Variants in CR1L observed in about 807,000 individuals in gnomAD.
CR1L encodes the protein complement C3b/C4b receptor 1 like.
Under a neutral mutation model 62.3 loss-of-function variants are expected in CR1L, and 59 were observed. The ratio of observed to expected loss-of-function variants is 0.95; its 90% CI spans 0.77 to 1.18. The LOEUF (loss-of-function observed/expected upper bound fraction) is 1.18. Ranked by LOEUF, CR1L falls within the 50% of genes most tolerant of loss-of-function variation. The pLI, the probability that CR1L is intolerant of heterozygous loss-of-function variation, is 0.00. For synonymous variants in CR1L, 279 were observed against 248.7 expected (o/e 1.12, Z -1.15); for missense variants, 700 against 702.8 (o/e 1.00, Z 0.04).
chr1:207,681,959 A>G (rs1663805482), intron 3 of CR1L, among the ~76,000 whole-genome samples: 1 of 151,440 alleles, frequency 6.6e-6, no homozygotes, highest in Admixed American at 6.6e-5. Flanking sequence ...GAATACATGG[A>G]CACAGGGAGG....
At position 207,679,757 on chromosome 1, in the gene CR1L, A is replaced by G. The variant is rs1663765648; in HGVS notation, c.377+1460A>G. On this transcript the variant is annotated intron_variant, in intron 3 of 11. Transcript: ENST00000508064. ...ACATGCATACAATAGAATATTATTC[A>G]ATACCAAAAAGAAATGAGCTATCAA... is the stretch of plus-strand genomic sequence containing the variant. 2.0e-5 allele frequency among the ~76,000 whole-genome samples: 3 copies of G among 152,234 alleles called. No homozygotes were observed. In the South Asian group the frequency reaches 6.2e-4, roughly 31 times the overall value.
chr1:207,658,931 A>G (rs1571644652), intron 1 of CR1L: 1 of 152,368 alleles, frequency 6.6e-6, no homozygotes, highest in South Asian at 2.1e-4. Flanking sequence ...AAAAATCCCA[A>G]CTGCATGGAA....
intron 1 of CR1L, chr1:207,658,454 C>T (rs930329394): frequency 3.3e-5 from 5 of 152,232 alleles, no homozygotes; most frequent in African/African-American, 1.2e-4. Flanking sequence ...AAGCACGGCA[C>T]CCCAGCCAGC....
chr1:207,658,055 C>T (rs1259556341), intron 1 of CR1L, among the ~76,000 whole-genome samples: 10 of 151,874 alleles, frequency 6.6e-5, no homozygotes, highest in Admixed American at 3.3e-4. Context: ...AGTAGTCAGC[C>T]GGGAAATTAG....
At chr1:207,664,470 T>A (rs558402161) in intron 1 of CR1L, among the ~76,000 whole-genome samples, 1 of 152,222 alleles carries the variant, frequency 6.6e-6, no homozygotes, top group Non-Finnish European at 1.5e-5. Context: ...CTTAGTTGAG[T>A]CCTGTAGGTT....
At chr1:207,691,670 T>C (rs530444820) in intron 4 of CR1L, among the ~76,000 whole-genome samples, 1 of 152,330 alleles carries the variant, frequency 6.6e-6, no homozygotes, top group Admixed American at 6.5e-5. Flanking sequence ...TTTTTATTCT[T>C]AAATCACTAC....
intron 9 of CR1L, among the ~76,000 whole-genome samples, chr1:207,707,785 TACACACACACACAC>T (rs10523807): frequency 1.6e-5 from 2 of 126,706 alleles, no homozygotes; most frequent in African/African-American, 6.1e-5. Context: ...GGCATAGTAT[TACACACACACACAC>T]ACACACACAC....
Position 207,645,330 on chromosome 1 carries a change from G to C in CR1L, c.97G>C (p.Asp33His). The change falls in exon 1 of 12, where the codon GAT (aspartate) becomes CAT (histidine). Residue 33 changes from aspartate to histidine, a missense_variant and splice_region_variant. By Grantham distance (81) the Asp-to-His change is moderately conservative. Coordinates refer to ENST00000508064, the MANE Select transcript of CR1L (RefSeq NM_175710.2). ...GGTGTTGCTGCTGTCCTCCTTCTCC[G>C]GTAGGACCCCGGGGTGGATTCGCGC... ...ALVLLLSSFSDQCNVPEWLPF... is the reference protein window; with the variant it reads ...ALVLLLSSFSHQCNVPEWLPF... 6.2e-7 allele frequency: 1 copy of C among 1,613,904 alleles called. No homozygotes were observed. Among genetic ancestry groups the C allele is most frequent in the Non-Finnish European group, 8.5e-7 (1 of 1,179,870 alleles).
At chr1:207,660,413 C>T (rs987092936) in intron 1 of CR1L, among the ~76,000 whole-genome samples, 4 of 152,232 alleles carry the variant, frequency 2.6e-5, no homozygotes, top group Non-Finnish European at 4.4e-5. Context: ...CTCCAGCAAA[C>T]TCCAACACAC....
In CR1L at chr1:207,701,534, C is replaced by A; in HGVS notation, c.1244C>A (p.Thr415Asn). The A allele has an allele frequency of 2.5e-6, 4 of 1,613,808 alleles. No individual in the cohort carries two copies. The highest frequency in any genetic ancestry group is 2.5e-6 in the Non-Finnish European group (3 of 1,179,752). The change falls in exon 9 of 12, where the codon ACT becomes AAT. Residue 415 changes from threonine (T) to asparagine (N), a missense_variant. Coordinates refer to ENST00000508064, the MANE Select transcript of CR1L (RefSeq NM_175710.2). ...TTTCCCACAGGTAAATCATGTGAAA[C>A]TCCTCCAGTTCCAGTGAATGGCATG... is the stretch of plus-strand genomic sequence containing the variant. ...VPVCERKSCETPPVPVNGMVH... is the reference protein window; with the variant it reads ...VPVCERKSCENPPVPVNGMVH...
intron 10 of CR1L, chr1:207,710,247 G>A (rs969390152): frequency 5.1e-5 from 31 of 603,124 alleles, no homozygotes; most frequent in African/African-American, 3.9e-4. Flanking sequence ...GGGAGGTTGA[G>A]GGGGGAGGAT....
intron 4 of CR1L, among the ~76,000 whole-genome samples, chr1:207,691,131 C>T (rs751108749): frequency 7.9e-5 from 12 of 152,154 alleles, no homozygotes; most frequent in Non-Finnish European, 1.8e-4. Context: ...TTTAAGCAAT[C>T]TTTACTTTAT....
intron 1 of CR1L, among the ~76,000 whole-genome samples, chr1:207,650,441 G>A (rs894427222): frequency 9.2e-5 from 14 of 152,200 alleles, no homozygotes; most frequent in Non-Finnish European, 5.9e-5. Flanking sequence ...TATTAAGGAA[G>A]AGACTGTTAG....
chr1:207,678,883 G>A (rs1663749150), intron 3 of CR1L, among the ~76,000 whole-genome samples: 2 of 152,106 alleles, frequency 1.3e-5, no homozygotes, highest in Non-Finnish European at 2.9e-5. Context: ...GCCTTGGCGT[G>A]TGGCAGCAGA....
chr1:207,676,958 C>T (rs1224539546), intron 1 of CR1L, among the ~76,000 whole-genome samples: 1 of 152,162 alleles, frequency 6.6e-6, no homozygotes, highest in Admixed American at 6.5e-5. Context: ...ACCCAGCTCC[C>T]TTGGCTATTA....
rs775926292 is a variant in CR1L at position 207,701,629 on chromosome 1, A to G, written c.1328+11A>G. On this transcript the variant is annotated intron_variant, in intron 9 of 11. Coordinates refer to ENST00000508064, the MANE Select transcript of CR1L (RefSeq NM_175710.2). The stretch of plus-strand genomic sequence containing the variant: ...TTCTTGTACTACAGGGTGAGTTGGC[A>G]GCAACATCTCTTGGTTCCAGAGTTC... 1 of 1,613,610 alleles carries G rather than the reference A, an allele frequency of 6.2e-7. No individual in the cohort carries two copies.
intron 4 of CR1L, among the ~76,000 whole-genome samples, chr1:207,688,422 T>G (rs1320160404): frequency 2.0e-5 from 3 of 152,078 alleles, no homozygotes; most frequent in Non-Finnish European, 4.4e-5. Flanking sequence ...GGTTTAGTTT[T>G]TTGCCATACT....
At chr1:207,714,318 A>T (rs868475519) in intron 10 of CR1L, among the ~76,000 whole-genome samples, 1 of 152,244 alleles carries the variant, frequency 6.6e-6, no homozygotes, top group Non-Finnish European at 1.5e-5. Flanking sequence ...ACAACAGTGC[A>T]AAAAACCAAT....
At chr1:207,660,850 G>T (rs944931842) in intron 1 of CR1L, among the ~76,000 whole-genome samples, 5 of 152,128 alleles carry the variant, frequency 3.3e-5, no homozygotes, top group Non-Finnish European at 5.9e-5. Context: ...TTGTGTTTTT[G>T]TTCTTGTTGG....
Sources: allele counts gnomAD v4.1 joint callset (sites outside exome capture counted in the v4.1 genomes callset), GRCh38; gene constraint gnomAD v4.1.1; transcripts MANE v1.5; gene names NCBI Gene and HGNC (gene_info 2026-07-23, HGNC 2026-07-21).